MAPKAP1: variants seen among roughly 807,000 people sequenced by gnomAD.
The protein encoded by MAPKAP1 is target of rapamycin complex 2 subunit MAPKAP1.
MAPKAP1 carries 20 observed loss-of-function variants against 65.7 expected under a neutral mutation model. That is an observed-to-expected ratio of 0.30 (90% CI 0.21 to 0.44). The LOEUF (loss-of-function observed/expected upper bound fraction) is 0.44. MAPKAP1 is among the 20% of genes least tolerant of loss of function. The pLI is 1.00. For synonymous variants in MAPKAP1, 222 were observed against 244.3 expected (o/e 0.91, Z 0.85); for missense variants, 423 against 648.0 (o/e 0.65, Z 3.77).
chr9:125,537,272 C>A (rs1344712208), intron 7 of MAPKAP1, among the ~76,000 whole-genome samples: 1 of 152,192 alleles, frequency 6.6e-6, no homozygotes, highest in African/African-American at 2.4e-5. Context: ...GTCCTTAATT[C>A]TAAGATGCAC....
chr9:125,447,587 A>G lies in MAPKAP1; in HGVS notation c.1346-2989T>C, dbSNP rs1852766350. On this transcript the variant is annotated intron_variant, in intron 10 of 11. Coordinates refer to ENST00000265960, the MANE Select transcript of MAPKAP1 (RefSeq NM_001006617.3). The surrounding 1 kb of genome is among the most constrained non-coding windows in gnomAD (Gnocchi z 4.5). ...GTTTCTGCCCCGAGTTCCCCTCGCT[A>G]GCAGCCCTGTTTCGCTGGGCGGCCA... 2.3e-6 allele frequency: 1 copy of G among 432,656 alleles called. No homozygotes were observed. Among genetic ancestry groups the G allele is most frequent in the African/African-American group, 2.0e-5 (1 of 49,410 alleles). 26.8% of individuals were successfully genotyped at this position (432,656 alleles called of 1,614,324 possible). A position where few individuals can be genotyped will look rare whatever the true frequency, so the allele number is the denominator to read the frequency against.
rs1831750677 is a variant in MAPKAP1 at position 125,585,420 on chromosome 9, G to A, written c.671+135C>T. The A allele has an allele frequency of 4.6e-6, 4 of 874,074 alleles. No homozygotes were observed. In the East Asian group the frequency reaches 9.9e-5, roughly 22 times the overall value. 54.1% of individuals were successfully genotyped at this position (874,074 alleles called of 1,614,324 possible). ...CTGAGATGCACAGGCGCGAGACCTG[G>A]TGAGCACCCAGAGCTGGATCAGTGC... On this transcript the variant is annotated intron_variant, in intron 5 of 11. Coordinates refer to ENST00000265960, the MANE Select transcript of MAPKAP1 (RefSeq NM_001006617.3).
chr9:125,671,696 G>A (rs565435448), intron 2 of MAPKAP1, among the ~76,000 whole-genome samples: 3 of 152,218 alleles, frequency 2.0e-5, no homozygotes, highest in Non-Finnish European at 2.9e-5. Flanking sequence ...GACTAAATAC[G>A]TGTATACCAA....
intron 9 of MAPKAP1, among the ~76,000 whole-genome samples, chr9:125,472,183 T>C (rs966172465): frequency 2.4e-4 from 36 of 152,334 alleles, no homozygotes; most frequent in Admixed American, 2.0e-3. Context: ...AAATGTTTCA[T>C]ATAACATATC....
intron 1 of MAPKAP1, among the ~76,000 whole-genome samples, chr9:125,688,934 C>T (rs986147948): frequency 6.6e-6 from 1 of 152,186 alleles, no homozygotes; most frequent in Non-Finnish European, 1.5e-5. Flanking sequence ...ACATTTCCAG[C>T]TTAAGCTCAC....
intron 5 of MAPKAP1, among the ~76,000 whole-genome samples, chr9:125,574,054 A>T (rs889856640): frequency 6.6e-6 from 1 of 152,190 alleles, no homozygotes; most frequent in Non-Finnish European, 1.5e-5. Context: ...ACACTCAATA[A>T]ATATTTGTTG....
At chr9:125,618,340 T>G (rs1489301610) in intron 4 of MAPKAP1, among the ~76,000 whole-genome samples, 1 of 12,224 alleles carries the variant, frequency 8.2e-5, no homozygotes, top group Non-Finnish European at 1.5e-4. Context: ...AGGCTCCGTC[T>G]CAAAAAAAAA....
At chr9:125,445,533 C>T (rs531721548) in intron 10 of MAPKAP1, among the ~76,000 whole-genome samples, 2 of 152,380 alleles carry the variant, frequency 1.3e-5, no homozygotes, top group South Asian at 2.1e-4. Context: ...GCCTACCACA[C>T]GGTACCGTGG....
chr9:125,562,347 G>C (rs970360075), intron 5 of MAPKAP1, among the ~76,000 whole-genome samples: 1 of 152,126 alleles, frequency 6.6e-6, no homozygotes, highest in African/African-American at 2.4e-5. Flanking sequence ...TTTGTAAAGT[G>C]CCCCCCTGGG....
intron 5 of MAPKAP1, among the ~76,000 whole-genome samples, chr9:125,576,023 A>G (rs1396580011): frequency 6.6e-6 from 1 of 152,252 alleles, no homozygotes; most frequent in African/African-American, 2.4e-5. Flanking sequence ...GTGAGAAATA[A>G]GTGTATCACA....
chr9:125,525,052 T>G (rs1213586682), intron 7 of MAPKAP1, among the ~76,000 whole-genome samples: 1 of 152,218 alleles, frequency 6.6e-6, no homozygotes, highest in Non-Finnish European at 1.5e-5. Flanking sequence ...ACCTAATACA[T>G]GGACTCAATT....
intron 1 of MAPKAP1, among the ~76,000 whole-genome samples, chr9:125,693,846 T>TACACACACACACACACACAC (rs1554844769): frequency 6.6e-5 from 9 of 135,546 alleles, no homozygotes; most frequent in African/African-American, 2.5e-4. Flanking sequence ...TATACACACA[T>TACACACACACACACACACAC]ACACACACAC....
At chr9:125,685,603 A>G (rs1356446475) in intron 1 of MAPKAP1, among the ~76,000 whole-genome samples, 1 of 152,248 alleles carries the variant, frequency 6.6e-6, no homozygotes, top group Non-Finnish European at 1.5e-5. Context: ...CATGTTAAGG[A>G]ATGAATGAAT....
In MAPKAP1 at chr9:125,484,592, G is replaced by GAA. The variant is rs776518088; in HGVS notation, c.1067-11_1067-10dup. The GAA allele has an allele frequency of 6.2e-7, 1 of 1,603,754 alleles. No individual in the cohort carries two copies. The highest frequency in any genetic ancestry group is 1.1e-5 in the South Asian group (1 of 88,368). ...CCCGTCTGCCCTTGAACCTGGGGAGGAAAAGGCAGTTTAACACATAAAGAT... is the reference window on the plus strand; with the variant it reads ...CCCGTCTGCCCTTGAACCTGGGGAGGAAAAAAGGCAGTTTAACACATAAAGAT... On this transcript the variant is annotated splice_polypyrimidine_tract_variant and intron_variant, in intron 8 of 11. Transcript: ENST00000265960.
chr9:125,458,090 C>G (rs1284319757), intron 10 of MAPKAP1, among the ~76,000 whole-genome samples: 2 of 152,236 alleles, frequency 1.3e-5, no homozygotes, highest in African/African-American at 2.4e-5. Flanking sequence ...TCAGGGATCA[C>G]AGTCCTGAAC....
intron 1 of MAPKAP1, among the ~76,000 whole-genome samples, chr9:125,673,449 C>T (rs1834553179): frequency 6.6e-6 from 1 of 152,184 alleles, no homozygotes; most frequent in Non-Finnish European, 1.5e-5. Flanking sequence ...TGGTCTCAAA[C>T]TCCCGACCTC....
intron 1 of MAPKAP1, among the ~76,000 whole-genome samples, chr9:125,689,960 C>T (rs1268498215): frequency 1.3e-5 from 2 of 150,112 alleles, no homozygotes; most frequent in Admixed American, 6.6e-5. Flanking sequence ...TTGTTGTAGG[C>T]GCCCGTAATC....
chr9:125,473,871 T>G (rs989699527), intron 9 of MAPKAP1, among the ~76,000 whole-genome samples: 3 of 152,240 alleles, frequency 2.0e-5, no homozygotes, highest in African/African-American at 7.2e-5. Flanking sequence ...GCCTTCCTAC[T>G]TCCTAACTAC....
rs531697861 is a variant in MAPKAP1 at position 125,699,119 on chromosome 9, A to T, written c.-70+7852T>A. On this transcript the variant is annotated intron_variant, in intron 1 of 11. Transcript: ENST00000265960. Reference sequence around the variant, plus strand: ...AATATTTTCATATATATCATGCAGTATCCTGGGGATAAGACACAAGTCTAA... The same window carrying T: ...AATATTTTCATATATATCATGCAGTTTCCTGGGGATAAGACACAAGTCTAA... Among the ~76,000 whole-genome samples, 4 of 152,222 alleles carry T rather than the reference A, an allele frequency of 2.6e-5. No individual in the cohort carries two copies. In the South Asian group the frequency reaches 8.3e-4, roughly 31 times the overall value.
Sources: gnomAD v4.1 joint callset for allele counts (sites outside exome capture counted in the v4.1 genomes callset) on GRCh38, gnomAD v4.1.1 for gene constraint, Gnocchi (gnomAD v3.1) non-coding constraint, MANE v1.5 for transcripts, NCBI Gene and HGNC (gene_info 2026-07-23, HGNC 2026-07-21) for gene names.